DLGAP1: variants seen among roughly 807,000 people sequenced by gnomAD.
DLGAP1 encodes the protein DLG associated protein 1.
DLGAP1 carries 11 observed loss-of-function variants against 90.8 expected under a neutral mutation model. That is an observed-to-expected ratio of 0.12 (90% CI 0.08 to 0.20). The LOEUF (loss-of-function observed/expected upper bound fraction) is 0.20, where lower values mean the gene tolerates loss of function less well. DLGAP1 is among the 10% of genes least tolerant of loss of function. The pLI, the probability that DLGAP1 is intolerant of heterozygous loss-of-function variation, is 1.00. For missense variants in DLGAP1, 1,050 were observed against 1,333.8 expected (o/e 0.79, Z 3.31); for synonymous variants, 558 against 540.7 (o/e 1.03, Z -0.44).
chr18:4,108,722 T>C (rs1048533622), intron 2 of DLGAP1, among the ~76,000 whole-genome samples: 5 of 152,246 alleles, frequency 3.3e-5, no homozygotes, highest in Admixed American at 1.3e-4. Flanking sequence ...CAGCATTTAA[T>C]AAAGGTGCTA....
At position 4,383,311 on chromosome 18, in the gene DLGAP1, G is replaced by A. The variant is rs570185107; in HGVS notation, c.-267+71695C>T. ...CTACTGTGCAAGCATATTTATTAAT[G>A]AGTAAAATAATATGTACTTAAACTC... On this transcript the variant is annotated intron_variant, in intron 1 of 12. Transcript: ENST00000315677. The surrounding 1 kb of genome is among the most constrained non-coding windows in gnomAD (Gnocchi z 4.0). Among the ~76,000 whole-genome samples, 3 of 152,238 alleles carry A rather than the reference G, an allele frequency of 2.0e-5. No individual in the cohort carries two copies. The East Asian group carries it at 5.8e-4, about 29-fold the overall frequency.
In DLGAP1 at chr18:4,344,638, C is replaced by A. The variant is rs180736230; in HGVS notation, c.-267+110368G>T. Among the ~76,000 whole-genome samples the A allele has an allele frequency of 5.2e-3, 792 of 152,240 alleles. 3 individuals are homozygous for A. The highest frequency in any genetic ancestry group is 9.2e-3 in the Non-Finnish European group (625 of 68,010). ...TAACATAAAATAGCTATTTACTGAA[C>A]ACACATTATGTGCCAGGTCTGGAAT... On this transcript the variant is annotated intron_variant, in intron 1 of 12. Transcript: ENST00000315677.
chr18:3,597,253 G>T (rs764568738), intron 7 of DLGAP1: 2 of 501,872 alleles, frequency 4.0e-6, no homozygotes, highest in Non-Finnish European at 7.8e-6. Context: ...TGCACAATGG[G>T]GCCTTGGAGA....
At chr18:4,201,578 T>C (rs951490804) in intron 1 of DLGAP1, among the ~76,000 whole-genome samples, 1 of 152,128 alleles carries the variant, frequency 6.6e-6, no homozygotes, top group Non-Finnish European at 1.5e-5. Flanking sequence ...TTTGTTCTTT[T>C]TGCTTAGGAT....
intron 1 of DLGAP1, among the ~76,000 whole-genome samples, chr18:4,426,723 C>T (rs1448401854): frequency 1.3e-5 from 2 of 152,152 alleles, no homozygotes; most frequent in Admixed American, 6.5e-5. Context: ...CTGCCTAGAA[C>T]AAAATACGAT....
At chr18:3,702,588 G>A (rs1218090897) in intron 7 of DLGAP1, among the ~76,000 whole-genome samples, 1 of 152,160 alleles carries the variant, frequency 6.6e-6, no homozygotes, top group Admixed American at 6.5e-5. Context: ...TTGAGAGACA[G>A]GGGAGCGAGG....
At chr18:4,221,476 G>T (rs545829074) in intron 1 of DLGAP1, among the ~76,000 whole-genome samples, 3 of 152,170 alleles carry the variant, frequency 2.0e-5, no homozygotes, top group Admixed American at 2.0e-4. Context: ...AAATATATAT[G>T]AAAGTTATGT....
intron 3 of DLGAP1, among the ~76,000 whole-genome samples, chr18:3,909,667 C>T (rs1013549449): frequency 3.3e-5 from 5 of 152,112 alleles, no homozygotes; most frequent in African/African-American, 4.8e-5. Flanking sequence ...AGTCAATAGA[C>T]GGAAAATTCT....
intron 2 of DLGAP1, among the ~76,000 whole-genome samples, chr18:4,062,158 T>C (rs1001164527): frequency 1.3e-5 from 2 of 152,184 alleles, no homozygotes; most frequent in Non-Finnish European, 2.9e-5. Flanking sequence ...TCTACCTGAG[T>C]ACTCCAAAAT....
At chr18:3,834,347 GATTAATC>G (rs147093202) in intron 4 of DLGAP1, among the ~76,000 whole-genome samples, 17,269 of 143,526 alleles carry the variant, frequency 0.12, 1,088 homozygotes, top group Middle Eastern at 0.13. Flanking sequence ...TGTAATAGAT[GATTAATC>G]ATAGCACTGG....
intron 2 of DLGAP1, among the ~76,000 whole-genome samples, chr18:4,112,078 T>C (rs2075983441): frequency 6.6e-6 from 1 of 151,958 alleles, no homozygotes; most frequent in Admixed American, 6.6e-5. Flanking sequence ...AGCTACAAAC[T>C]TCCCTGTGAT....
At chr18:3,865,380 T>C (rs958422913) in intron 4 of DLGAP1, among the ~76,000 whole-genome samples, 1 of 152,168 alleles carries the variant, frequency 6.6e-6, no homozygotes, top group African/African-American at 2.4e-5. Flanking sequence ...CTTTCATAGG[T>C]TGAGATATAC....
At chr18:4,432,526 GT>G (rs1470931751) in intron 1 of DLGAP1, among the ~76,000 whole-genome samples, 1 of 151,570 alleles carries the variant, frequency 6.6e-6, no homozygotes, top group African/African-American at 2.4e-5. Flanking sequence ...ACAAGTTGAT[GT>G]TTTGATATAT....
At chr18:3,596,167 T>G (rs1171043470) in intron 7 of DLGAP1, among the ~76,000 whole-genome samples, 1 of 142,012 alleles carries the variant, frequency 7.0e-6, no homozygotes. Flanking sequence ...TTTTCTTTTC[T>G]TTTTTTTTTT....
At chr18:4,134,128 AT>A (rs2076361661) in intron 2 of DLGAP1, among the ~76,000 whole-genome samples, 1 of 152,196 alleles carries the variant, frequency 6.6e-6, no homozygotes, top group Non-Finnish European at 1.5e-5. Flanking sequence ...AAATTATGAC[AT>A]TACCATGTTA....
chr18:3,574,128 G>C (rs1010549505), intron 8 of DLGAP1, among the ~76,000 whole-genome samples: 8 of 152,228 alleles, frequency 5.3e-5, no homozygotes, highest in Admixed American at 3.3e-4. Context: ...TTTTTCGAAA[G>C]GTCATATACT....
intron 4 of DLGAP1, among the ~76,000 whole-genome samples, chr18:3,853,368 A>G (rs1337408463): frequency 6.6e-6 from 1 of 152,140 alleles, no homozygotes; most frequent in African/African-American, 2.4e-5. Context: ...TTTGGTCAAT[A>G]ATGATTGGAT....
At chr18:4,409,338 G>T (rs373555625) in intron 1 of DLGAP1, among the ~76,000 whole-genome samples, 6 of 152,010 alleles carry the variant, frequency 3.9e-5, no homozygotes, top group African/African-American at 1.2e-4. Context: ...TAAAATATTT[G>T]GAAAACTTCC....
At chr18:4,301,999 C>T (rs2080137328) in intron 1 of DLGAP1, among the ~76,000 whole-genome samples, 1 of 151,974 alleles carries the variant, frequency 6.6e-6, no homozygotes, top group African/African-American at 2.4e-5. Context: ...TGTTTTCTTG[C>T]TATTGAATTG....
Sources: allele counts gnomAD v4.1 joint callset (sites outside exome capture counted in the v4.1 genomes callset), GRCh38; gene constraint gnomAD v4.1.1; non-coding constraint Gnocchi (gnomAD v3.1); transcripts MANE v1.5; gene names NCBI Gene and HGNC (gene_info 2026-07-23, HGNC 2026-07-21).